The following ZNF385D variants were observed in gnomAD, a reference collection of about 807,000 sequenced individuals.
The protein encoded by ZNF385D is zinc finger protein 659.
Under a neutral mutation model 35.8 loss-of-function variants are expected in ZNF385D, and 15 were observed. The observed-to-expected ratio is 0.42, with a 90% CI of 0.28 to 0.64. ZNF385D has a LOEUF of 0.64. Among genes scored for constraint, ZNF385D ranks in the 30% least tolerant of loss-of-function variants. ZNF385D has a pLI of 0.23. For missense variants in ZNF385D, 474 were observed against 494.6 expected, an observed-to-expected ratio of 0.96 and a Z score of 0.39; for synonymous variants, 212 against 186.8, an observed-to-expected ratio of 1.13 and a Z score of -1.10.
intron 3 of ZNF385D, among the ~76,000 whole-genome samples, chr3:22,165,357 G>A (rs1452066997): frequency 6.6e-6 from 1 of 152,162 alleles, no homozygotes; most frequent in African/African-American, 2.4e-5. Flanking sequence ...TTTGGTCTTT[G>A]TCAAGCACCG....
intron 1 of ZNF385D, 99 bp downstream of exon 1, chr3:21,750,796 G>T: frequency 6.7e-7 from 1 of 1,493,860 alleles, no homozygotes. Context: ...TAGGTTTAAT[G>T]TAACATATTC....
rs373832994 is a variant in ZNF385D at position 22,062,256 on chromosome 3, A to G, written c.325+106561T>C. 3.2e-4 allele frequency among the ~76,000 whole-genome samples: 48 copies of G among 152,126 alleles called. 1 individual carries two copies. In the East Asian group the frequency reaches 7.9e-3, roughly 25 times the overall value. ...TATTTTGTAGAGACAGGATTTTGCC[A>G]TGTTACCCAGGCGGACTTAAACTCT... is the stretch of plus-strand genomic sequence containing the variant. On this transcript the variant is annotated intron_variant, in intron 3 of 5. Transcript: ENST00000494108.
chr3:21,862,494 G>A (rs1330543531), intron 3 of ZNF385D, among the ~76,000 whole-genome samples: 1 of 152,058 alleles, frequency 6.6e-6, no homozygotes. Context: ...TCCTGGCCAT[G>A]GATTTGCCAA....
In ZNF385D at chr3:21,761,853, C is replaced by A. The variant is rs1184630886; in HGVS notation, c.326-96825G>T. Among the ~76,000 whole-genome samples, 7 of 135,044 alleles carry A rather than the reference C, an allele frequency of 5.2e-5. No individual in the cohort carries two copies. In the South Asian group the frequency reaches 1.5e-3, roughly 29 times the overall value. 88.6% of individuals were successfully genotyped at this position (135,044 alleles called of 152,430 possible). A position where few individuals can be genotyped will look rare whatever the true frequency, so the allele number is the denominator to read the frequency against. Reference sequence around the variant, plus strand: ...TCATAATGGCTTAAAATTATGATTTCAAGAGCATTTTCTTCCTTTTTTTTT... The same window carrying A: ...TCATAATGGCTTAAAATTATGATTTAAAGAGCATTTTCTTCCTTTTTTTTT... On this transcript the variant is annotated intron_variant, in intron 3 of 5. Coordinates refer to the ZNF385D transcript ENST00000494108.
intron 2 of ZNF385D, among the ~76,000 whole-genome samples, chr3:21,615,938 G>C (rs767937609): frequency 6.6e-5 from 10 of 151,836 alleles, no homozygotes; most frequent in Non-Finnish European, 1.0e-4. Flanking sequence ...ACCTAGGATG[G>C]GAACAGACAA....
intron 2 of ZNF385D, among the ~76,000 whole-genome samples, chr3:21,601,722 A>G (rs963443044): frequency 3.9e-5 from 6 of 152,182 alleles, no homozygotes; most frequent in African/African-American, 1.2e-4. Context: ...CATGCAGGTA[A>G]CTTTTTCGTT....
intron 4 of ZNF385D, among the ~76,000 whole-genome samples, chr3:21,444,080 C>CTTTTTTT (rs11390309): frequency 7.5e-6 from 1 of 132,704 alleles, no homozygotes; most frequent in Non-Finnish European, 1.6e-5. Context: ...GGATTTCCCT[C>CTTTTTTT]TTTTTTTTTT....
intron 1 of ZNF385D, among the ~76,000 whole-genome samples, chr3:21,679,966 TGA>T (rs796805006): frequency 4.6e-5 from 7 of 152,238 alleles, no homozygotes; most frequent in African/African-American, 1.7e-4. Flanking sequence ...AAATATTGTA[TGA>T]GAGAGACTCG....
rs182868740 is a variant in ZNF385D at position 21,965,152 on chromosome 3, T to A, written c.325+203665A>T. Among the ~76,000 whole-genome samples, 12 of 152,298 alleles carry A rather than the reference T, an allele frequency of 7.9e-5. No homozygotes were observed. In the East Asian group the frequency reaches 1.7e-3, roughly 22 times the overall value. On this transcript the variant is annotated intron_variant, in intron 3 of 5. Transcript: ENST00000494108. ...GAAGAGACAGCTTTGGAGCTTAGAATTGCAAATTAATATCTTATGTAACTT... is the reference window on the plus strand; with the variant it reads ...GAAGAGACAGCTTTGGAGCTTAGAAATGCAAATTAATATCTTATGTAACTT...
rs894331468 is a variant in ZNF385D, at chr3:22,318,921, T to C, written c.106+53529A>G. Among the ~76,000 whole-genome samples, 5 of 152,192 alleles carry C rather than the reference T, an allele frequency of 3.3e-5. No individual in the cohort carries two copies. The South Asian group carries it at 6.2e-4, about 19-fold the overall frequency. ...AGTCATATAAGAAATATTCATAGGTTAAGTTCCCTAGAATGCATTTTTTGA... is the reference window on the plus strand; with the variant it reads ...AGTCATATAAGAAATATTCATAGGTCAAGTTCCCTAGAATGCATTTTTTGA... On this transcript the variant is annotated intron_variant, in intron 2 of 5. Coordinates refer to the ZNF385D transcript ENST00000494108.
intron 2 of ZNF385D, among the ~76,000 whole-genome samples, chr3:21,645,376 A>C (rs2125866369): frequency 6.6e-6 from 1 of 152,278 alleles, no homozygotes; most frequent in South Asian, 2.1e-4. Context: ...AAGGCAGTTA[A>C]GACCTCCACA....
intron 3 of ZNF385D, among the ~76,000 whole-genome samples, chr3:22,082,768 C>T (rs1700823289): frequency 6.6e-6 from 1 of 152,204 alleles, no homozygotes. Flanking sequence ...TCCCTAACCC[C>T]CGTGTAGCCT....
At position 21,734,734 on chromosome 3, in the gene ZNF385D, G is replaced by A. The variant is rs1023399743; in HGVS notation, c.22+16161C>T. 1.2e-4 allele frequency among the ~76,000 whole-genome samples: 18 copies of A among 152,194 alleles called. 1 individual carries two copies. The South Asian group carries it at 3.7e-3, about 32-fold the overall frequency. Reference sequence around the variant, plus strand: ...CCTAGATAAGAAATTTGGACCCCACGTGTCAGGAAATAAGAACCTTTGGAG... The same window carrying A: ...CCTAGATAAGAAATTTGGACCCCACATGTCAGGAAATAAGAACCTTTGGAG... On this transcript the variant is annotated intron_variant, in intron 1 of 7. Coordinates refer to ENST00000281523, the MANE Select transcript of ZNF385D (RefSeq NM_024697.3).
intron 2 of ZNF385D, among the ~76,000 whole-genome samples, chr3:22,334,406 T>G: frequency 1.3e-5 from 2 of 152,276 alleles, no homozygotes; most frequent in Middle Eastern, 6.8e-3. Context: ...CCTTTCCAAA[T>G]TATATTTTTA....
At position 22,351,418 on chromosome 3, in the gene ZNF385D, A is replaced by G. The variant is rs147021350; in HGVS notation, c.106+21032T>C. Among the ~76,000 whole-genome samples, 49 of 152,244 alleles carry G rather than the reference A, an allele frequency of 3.2e-4. No homozygotes were observed. In the East Asian group the frequency reaches 9.1e-3, roughly 28 times the overall value. On this transcript the variant is annotated intron_variant, in intron 2 of 5. Transcript: ENST00000494108. ...CAAAGACAAGGGATACTAAGACACA[A>G]GAGATATAAATAATAAAAGTTAACA... is the stretch of plus-strand genomic sequence containing the variant.
At chr3:21,656,109 C>G (rs2066064255) in intron 2 of ZNF385D, among the ~76,000 whole-genome samples, 1 of 151,918 alleles carries the variant, frequency 6.6e-6, no homozygotes, top group African/African-American at 2.4e-5. Flanking sequence ...AGATGACCCA[C>G]AATATAGAGT....
At chr3:21,602,825 G>A (rs1043740923) in intron 2 of ZNF385D, among the ~76,000 whole-genome samples, 1 of 151,936 alleles carries the variant, frequency 6.6e-6, no homozygotes, top group African/African-American at 2.4e-5. Flanking sequence ...GAGCCACCGC[G>A]CCCGGCCTCC....
intron 1 of ZNF385D, among the ~76,000 whole-genome samples, chr3:21,710,526 T>G (rs989590784): frequency 1.3e-5 from 2 of 152,192 alleles, no homozygotes; most frequent in African/African-American, 4.8e-5. Flanking sequence ...GATGCCACAA[T>G]GCATATTGGT....
chr3:21,571,979 T>C (rs995046599), intron 2 of ZNF385D, among the ~76,000 whole-genome samples: 1 of 152,140 alleles, frequency 6.6e-6, no homozygotes, highest in African/African-American at 2.4e-5. Context: ...TGGATTGCAT[T>C]ATCTAGGCAT....
Sources: gnomAD v4.1 joint callset for allele counts (sites outside exome capture counted in the v4.1 genomes callset) on GRCh38, gnomAD v4.1.1 for gene constraint, MANE v1.5 for transcripts, NCBI Gene and HGNC (gene_info 2026-07-23, HGNC 2026-07-21) for gene names.